The following UBE3C variants were observed in gnomAD, a reference collection of about 807,000 sequenced individuals.
UBE3C encodes ubiquitin protein ligase E3C.
In UBE3C, 42 loss-of-function variants were observed where a neutral mutation model predicts 129.4. The observed-to-expected ratio is 0.32, with a 90% CI of 0.25 to 0.42. The LOEUF (loss-of-function observed/expected upper bound fraction) is 0.42. Among genes scored for constraint, UBE3C ranks in the 10% least tolerant of loss-of-function variants. The pLI, the probability that UBE3C is intolerant of heterozygous loss-of-function variation, is 1.00. For missense variants in UBE3C, 1,049 were observed against 1,319.1 expected (o/e 0.80, Z 3.17); for synonymous variants, 510 against 492.4 (o/e 1.04, Z -0.47).
intron 16 of UBE3C, among the ~76,000 whole-genome samples, chr7:157,223,666 G>A (rs1283679517): frequency 6.6e-6 from 1 of 152,148 alleles, no homozygotes; most frequent in African/African-American, 2.4e-5. Flanking sequence ...GCTCATGCCT[G>A]TAATCCCAGC....
At chr7:157,239,451 G>C (rs904963389) in intron 18 of UBE3C, among the ~76,000 whole-genome samples, 3 of 152,154 alleles carry the variant, frequency 2.0e-5, no homozygotes, top group Non-Finnish European at 2.9e-5. Flanking sequence ...ACACTGGAAG[G>C]GGGTGCAGGG....
rs963252288 is a variant in UBE3C at position 157,144,221 on chromosome 7, G to A, written c.66+4883G>A. Among the ~76,000 whole-genome samples the A allele has an allele frequency of 6.6e-5, 10 of 152,254 alleles. No individual in the cohort carries two copies. In the South Asian group the frequency reaches 1.9e-3, roughly 28 times the overall value. On this transcript the variant is annotated intron_variant, in intron 1 of 22. Transcript: ENST00000348165. The stretch of plus-strand genomic sequence containing the variant: ...TGAGGCGGGAGGATCGCTGGATCCC[G>A]GGAGTTCAAGGCTGCAGTGAGCTGT...
At chr7:157,248,160 C>G (rs950808658) in intron 18 of UBE3C, among the ~76,000 whole-genome samples, 3 of 152,242 alleles carry the variant, frequency 2.0e-5, no homozygotes, top group African/African-American at 7.2e-5. Flanking sequence ...CCAGAGTTCT[C>G]TGCATGCTTA....
At chr7:157,219,501 A>G (rs2023974) in intron 14 of UBE3C, among the ~76,000 whole-genome samples, 8,829 of 152,280 alleles carry the variant, frequency 0.058, 604 homozygotes, top group African/African-American at 0.16. Context: ...CTACAAAATT[A>G]CAGGAAACAT....
At chr7:157,197,377 C>T (rs985001612) in intron 10 of UBE3C, among the ~76,000 whole-genome samples, 8 of 152,144 alleles carry the variant, frequency 5.3e-5, no homozygotes, top group Admixed American at 3.3e-4. Flanking sequence ...CAACATAAGC[C>T]AGTCCTTCAA....
intron 13 of UBE3C, among the ~76,000 whole-genome samples, chr7:157,214,658 C>T (rs1222486307): frequency 6.6e-6 from 1 of 152,190 alleles, no homozygotes; most frequent in Non-Finnish European, 1.5e-5. Flanking sequence ...CATCTTCATA[C>T]AAAAAGATTG....
At position 157,139,301 on chromosome 7, in the gene UBE3C, C is replaced by T. The variant is rs768496452; in HGVS notation, c.29C>T (p.Thr10Met). 1.6e-5 allele frequency: 25 copies of T among 1,583,202 alleles called. No individual in the cohort carries two copies. The Admixed American group carries it at 2.2e-4, about 14-fold the overall frequency. Residue 10 changes from threonine (T) to methionine (M), a missense_variant, in exon 1 of 23, where the codon ACG (threonine) becomes ATG (methionine). By Grantham distance (81) the Thr-to-Met change is moderately conservative. Around this residue, in one of 4 missense-constraint regions of UBE3C, gnomAD observed 489 missense variants for 513.8 expected, o/e 0.95. Transcript: ENST00000348165. Reference protein sequence around the residue: MFSFEGDFKTRPKVSLGGAS... With the variant: MFSFEGDFKMRPKVSLGGAS... ...TTCAGCTTCGAAGGCGACTTCAAGA[C>T]GCGGCCCAAGGTGTCCCTTGGCGGC...
chr7:157,197,701 TA>T (rs1230124634), intron 10 of UBE3C: 7 of 1,610,000 alleles, frequency 4.3e-6, no homozygotes, highest in Non-Finnish European at 5.1e-6. Flanking sequence ...GTCACAAGAA[TA>T]AAGTCAAGAG....
At chr7:157,149,614 T>A (rs1469094338) in intron 1 of UBE3C, among the ~76,000 whole-genome samples, 2 of 152,170 alleles carry the variant, frequency 1.3e-5, no homozygotes, top group Non-Finnish European at 2.9e-5. Context: ...TGATATCCCC[T>A]ACTTGGCTTT....
chr7:157,189,760 C>G (rs1416835717), intron 10 of UBE3C, among the ~76,000 whole-genome samples: 1 of 149,924 alleles, frequency 6.7e-6, no homozygotes, highest in Non-Finnish European at 1.5e-5. Flanking sequence ...TTTTTCTCCT[C>G]TTTCTCACTC....
At chr7:157,254,167 G>T in intron 20 of UBE3C, 25 bp downstream of exon 20, 1 of 1,610,420 alleles carries the variant, frequency 6.2e-7, no homozygotes, top group Non-Finnish European at 8.5e-7. Flanking sequence ...GACTTTCTGG[G>T]ACACGCTTGT....
chr7:157,142,117 C>G (rs1404549494), intron 1 of UBE3C, among the ~76,000 whole-genome samples: 1 of 152,146 alleles, frequency 6.6e-6, no homozygotes, highest in Non-Finnish European at 1.5e-5. Flanking sequence ...AATTTTGTTT[C>G]CTGACAACTA....
intron 3 of UBE3C, among the ~76,000 whole-genome samples, chr7:157,169,388 T>TA (rs1808304351): frequency 6.6e-6 from 1 of 151,574 alleles, no homozygotes; most frequent in African/African-American, 2.4e-5. Flanking sequence ...TTTTTTTTTT[T>TA]AAATTGAGAC....
intron 1 of UBE3C, among the ~76,000 whole-genome samples, chr7:157,160,642 C>G (rs1246242491): frequency 3.3e-5 from 5 of 152,114 alleles, no homozygotes; most frequent in African/African-American, 9.7e-5. Context: ...CAAAATTTCT[C>G]CCCTTTAAAT....
chr7:157,197,467 A>T (rs1350736716), intron 10 of UBE3C: 14 of 693,174 alleles, frequency 2.0e-5, no homozygotes, highest in Non-Finnish European at 2.9e-5. Flanking sequence ...ACAGAATAAC[A>T]ATAAAACCAA....
intron 22 of UBE3C, among the ~76,000 whole-genome samples, chr7:157,259,665 G>A (rs988518734): frequency 7.9e-5 from 12 of 152,216 alleles, no homozygotes; most frequent in Non-Finnish European, 1.6e-4. Context: ...CGGATAAACT[G>A]TCCTTTGAAA....
intron 22 of UBE3C, among the ~76,000 whole-genome samples, chr7:157,267,383 T>C (rs1276201914): frequency 6.6e-6 from 1 of 152,160 alleles, no homozygotes; most frequent in Non-Finnish European, 1.5e-5. Context: ...GATGGCGCCA[T>C]TGCCCTCCAG....
chr7:157,163,715 A>T (rs905916031), intron 1 of UBE3C, 95 bp from the exon 2 acceptor site: 9 of 1,333,918 alleles, frequency 6.7e-6, no homozygotes, highest in Non-Finnish European at 9.5e-6. Context: ...GATCTTTAGG[A>T]TCTTTTTTTG....
chr7:157,231,580 G>A (rs1405291708), intron 18 of UBE3C: 2 of 479,620 alleles, frequency 4.2e-6, no homozygotes, highest in Non-Finnish European at 7.5e-6. Context: ...TCTTTAAGAG[G>A]TGATTAGATC....
Sources: allele counts gnomAD v4.1 joint callset (sites outside exome capture counted in the v4.1 genomes callset), GRCh38; gene constraint gnomAD v4.1.1; regional missense constraint gnomAD v4.1.1; transcripts MANE v1.5; gene names NCBI Gene and HGNC (gene_info 2026-07-23, HGNC 2026-07-21).